The following CLDN14 variants were observed in gnomAD, a reference collection of about 807,000 sequenced individuals.
CLDN14 encodes the protein claudin 14.
In CLDN14, 2 loss-of-function variants were observed where a neutral mutation model predicts 2.1. The observed-to-expected ratio is 0.96, with a 90% CI of 0.39 to 3.01. The LOEUF (loss-of-function observed/expected upper bound fraction) is 3.01, where lower values mean the gene tolerates loss of function less well. Among genes scored for constraint, CLDN14 ranks in the 30% most tolerant of loss-of-function variants. CLDN14 has a pLI of 0.09. For missense variants in CLDN14, 298 were observed against 328.0 expected (o/e 0.91, Z 0.71); for synonymous variants, 136 against 154.4 (o/e 0.88, Z 0.88).
intron 1 of CLDN14, among the ~76,000 whole-genome samples, chr21:36,463,499 G>T (rs1229302829): frequency 6.6e-6 from 1 of 152,158 alleles, no homozygotes; most frequent in African/African-American, 2.4e-5. Flanking sequence ...ATCGCTTAAG[G>T]TCAGGAGTTT....
chr21:36,470,653 A>C (rs1367820508), intron 1 of CLDN14, among the ~76,000 whole-genome samples: 1 of 152,212 alleles, frequency 6.6e-6, no homozygotes, highest in Admixed American at 6.5e-5. Context: ...ACAGCAGAGT[A>C]GCTGAATGGT....
At chr21:36,492,535 G>A (rs2086978950) in intron 2 of CLDN14, among the ~76,000 whole-genome samples, 1 of 152,024 alleles carries the variant, frequency 6.6e-6, no homozygotes, top group Non-Finnish European at 1.5e-5. Context: ...AGGCTGAGGT[G>A]GGAGGATCTC....
chr21:36,520,068 T>A (rs1260146206), intron 1 of CLDN14, among the ~76,000 whole-genome samples: 1 of 152,196 alleles, frequency 6.6e-6, no homozygotes. Flanking sequence ...CTGTGCTCCC[T>A]CTGAGGCCTC....
chr21:36,534,556 G>T (rs566839262), intron 1 of CLDN14, among the ~76,000 whole-genome samples: 16 of 152,316 alleles, frequency 1.1e-4, no homozygotes, highest in African/African-American at 3.6e-4. Context: ...CCTTGTGTGT[G>T]GGGTGAGCGG....
rs950776702 is a variant in CLDN14 at position 36,471,683 on chromosome 21, A to C, written c.-82+7812T>G. ...GGCTCCGCCTTTAGTCAGGACTTAC[A>C]GCAAAATAGAAAAAGAAAGCAAACC... On this transcript the variant is annotated intron_variant, in intron 1 of 1. Transcript: ENST00000399135. Among the ~76,000 whole-genome samples the C allele has an allele frequency of 2.6e-5, 4 of 152,272 alleles. No homozygotes were observed. The South Asian group carries it at 8.3e-4, about 32-fold the overall frequency.
intron 1 of CLDN14, among the ~76,000 whole-genome samples, chr21:36,516,282 G>A (rs2087228526): frequency 6.6e-6 from 1 of 152,158 alleles, no homozygotes; most frequent in African/African-American, 2.4e-5. Context: ...CCTTATCACA[G>A]CCAAAAGAGC....
At chr21:36,484,123 G>T (rs549944492), upstream of CLDN14, among the ~76,000 whole-genome samples, 1 of 152,198 alleles carries the variant, frequency 6.6e-6, no homozygotes, top group Non-Finnish European at 1.5e-5. Flanking sequence ...AGAACCGTAG[G>T]CCTTGGGGCC....
At chr21:36,474,847 C>T (rs1414109529) in intron 1 of CLDN14, among the ~76,000 whole-genome samples, 1 of 152,152 alleles carries the variant, frequency 6.6e-6, no homozygotes, top group Non-Finnish European at 1.5e-5. Context: ...ATGCAGAGAA[C>T]TCACTCCAGA....
chr21:36,511,742 A>T (rs2087188698), intron 1 of CLDN14, among the ~76,000 whole-genome samples: 1 of 152,064 alleles, frequency 6.6e-6, no homozygotes, highest in Non-Finnish European at 1.5e-5. Context: ...AAGACCTAAG[A>T]TGATATTCAC....
chr21:36,494,758 C>T (rs975307276), intron 2 of CLDN14, among the ~76,000 whole-genome samples: 73 of 152,326 alleles, frequency 4.8e-4, no homozygotes, highest in African/African-American at 1.7e-3. Context: ...GAAACCCACC[C>T]TGTGGGTGCC....
rs148152181 is a variant in CLDN14, at chr21:36,541,833, C to G, written c.-219-31333G>C. ...TTAATAGTGTCTTTGTGACGAGTAC[C>G]TTGCTACCCACTGACTTAATTACAG... On this transcript the variant is annotated intron_variant, in intron 1 of 2. Transcript: ENST00000342108. 1.1e-3 allele frequency among the ~76,000 whole-genome samples: 162 copies of G among 152,242 alleles called. 1 individual carries two copies. Among genetic ancestry groups the G allele is most frequent in the African/African-American group, 3.8e-3 (157 of 41,542 alleles).
intron 1 of CLDN14, among the ~76,000 whole-genome samples, chr21:36,575,875 G>A (rs760745738): frequency 6.6e-6 from 1 of 152,170 alleles, no homozygotes; most frequent in Non-Finnish European, 1.5e-5. Flanking sequence ...CCCTGTATAC[G>A]ACCTCTTTAG....
chr21:36,567,109 C>T (rs894556282), intron 1 of CLDN14, among the ~76,000 whole-genome samples: 5 of 152,160 alleles, frequency 3.3e-5, no homozygotes, highest in African/African-American at 7.2e-5. Flanking sequence ...TCAAAGTCAG[C>T]GAGAAAAGAC....
intron 1 of CLDN14, among the ~76,000 whole-genome samples, chr21:36,517,538 C>T (rs1360025726): frequency 6.6e-6 from 1 of 152,192 alleles, no homozygotes; most frequent in African/African-American, 2.4e-5. Flanking sequence ...AAACCCAGCT[C>T]CCAAGAGGGT....
intron 1 of CLDN14, among the ~76,000 whole-genome samples, chr21:36,465,504 T>C (rs1338571757): frequency 6.6e-6 from 1 of 152,254 alleles, no homozygotes; most frequent in Non-Finnish European, 1.5e-5. Flanking sequence ...TACCAGCAGC[T>C]GCTACTGGCA....
intron 1 of CLDN14, among the ~76,000 whole-genome samples, chr21:36,540,916 G>C (rs2087483893): frequency 6.6e-6 from 1 of 152,176 alleles, no homozygotes; most frequent in Non-Finnish European, 1.5e-5. Context: ...AAGAGTAGAA[G>C]GTATTTTCAC....
At chr21:36,493,460 G>C (rs1216593390) in intron 2 of CLDN14, among the ~76,000 whole-genome samples, 1 of 152,164 alleles carries the variant, frequency 6.6e-6, no homozygotes, top group Admixed American at 6.5e-5. Flanking sequence ...TAATCTTCAA[G>C]GTTCCTTTAG....
Position 36,461,590 on chromosome 21 carries a change from C to G in CLDN14, c.106G>C (p.Val36Leu). Residue 36 changes from valine (V) to leucine (L), a missense_variant, in exon 2 of 2, where the codon GTG (valine) becomes CTG (leucine). By Grantham distance (32) the Val-to-Leu change is conservative. Transcript: ENST00000399135. ...ILPHWRRTAH[V>L]GTNILTAVSY... is the part of the protein sequence containing the mutation. ...ACGGCCGTGAGGATGTTGGTGCCCA[C>G]GTGCGCTGTCCTCCGCCAGTGCGGC... 1 of 1,610,818 alleles carries G rather than the reference C, an allele frequency of 6.2e-7. No individual in the cohort carries two copies. The highest frequency in any genetic ancestry group is 8.5e-7 in the Non-Finnish European group (1 of 1,178,920).
chr21:36,513,086 T>A (rs1295209835), intron 1 of CLDN14, among the ~76,000 whole-genome samples: 2 of 152,206 alleles, frequency 1.3e-5, no homozygotes, highest in African/African-American at 4.8e-5. Flanking sequence ...TCTACCTGCC[T>A]GTGTCTCACG....
Sources: allele counts gnomAD v4.1 joint callset (sites outside exome capture counted in the v4.1 genomes callset), GRCh38; gene constraint gnomAD v4.1.1; transcripts MANE v1.5; gene names NCBI Gene and HGNC (gene_info 2026-07-23, HGNC 2026-07-21).